The following SPSB1 variants were observed in gnomAD, a reference collection of about 807,000 sequenced individuals.
SPSB1 encodes the protein SPRY domain-containing SOCS box protein 1.
In SPSB1, 8 loss-of-function variants were observed where a neutral mutation model predicts 21.2. That is an observed-to-expected ratio of 0.38 (90% CI 0.22 to 0.68). The LOEUF is 0.68. SPSB1 is among the 30% of genes least tolerant of loss of function. SPSB1 has a pLI of 0.53. For missense variants in SPSB1, 242 were observed against 377.8 expected (o/e 0.64, Z 2.98); for synonymous variants, 169 against 161.7 (o/e 1.05, Z -0.34).
chr1:9,316,470 A>T (rs12734790), intron 1 of SPSB1, among the ~76,000 whole-genome samples: 59,212 of 152,034 alleles, frequency 0.39, 11,824 homozygotes, highest in South Asian at 0.47. Context: ...CAGCAAGCAG[A>T]GCAGACTTTG....
In SPSB1 at chr1:9,348,023, C is replaced by T. The variant is rs1640192549; in HGVS notation, c.-149-7720C>T. ...GCAGTGGTGCGATCTCGGCTCACTG[C>T]AACCTCCGCCTCCTGGGTTCAAGTG... On this transcript the variant is annotated intron_variant, in intron 1 of 2. Transcript: ENST00000328089. The surrounding 1 kb of genome is among the most constrained non-coding windows in gnomAD (Gnocchi z 4.8). Among the ~76,000 whole-genome samples the T allele has an allele frequency of 6.6e-6, 1 of 150,886 alleles. No homozygotes were observed. The highest frequency in any genetic ancestry group is 6.6e-5 in the Admixed American group (1 of 15,122).
chr1:9,303,779 G>GC (rs1639369318), intron 1 of SPSB1, among the ~76,000 whole-genome samples: 1 of 152,198 alleles, frequency 6.6e-6, no homozygotes, highest in Non-Finnish European at 1.5e-5. Flanking sequence ...GCCAGTGGGT[G>GC]CCTCTGGGTG....
At chr1:9,313,826 T>C (rs1363260340) in intron 1 of SPSB1, among the ~76,000 whole-genome samples, 3 of 152,324 alleles carry the variant, frequency 2.0e-5, no homozygotes, top group African/African-American at 4.8e-5. Flanking sequence ...AGGAGTGTTA[T>C]CGGAGAGGCG....
Position 9,355,829 on chromosome 1 carries a change from C to G in SPSB1, c.-63C>G. 1 of 1,513,972 alleles carries G rather than the reference C, an allele frequency of 6.6e-7. No homozygotes were observed. Among genetic ancestry groups the G allele is most frequent in the Non-Finnish European group, 8.8e-7 (1 of 1,131,582 alleles). 93.8% of individuals were successfully genotyped at this position (1,513,972 alleles called of 1,614,324 possible). A position where few individuals can be genotyped will look rare whatever the true frequency, so the allele number is the denominator to read the frequency against. On this transcript the variant is annotated 5_prime_UTR_variant, in exon 2 of 3. Coordinates refer to ENST00000328089, the MANE Select transcript of SPSB1 (RefSeq NM_025106.4). Reference sequence around the variant, plus strand: ...CTGGCCCCGATCAGAATACTGGAGACGAGACCACGAGATTGATGAGTTTGC... The same window carrying G: ...CTGGCCCCGATCAGAATACTGGAGAGGAGACCACGAGATTGATGAGTTTGC...
chr1:9,335,793 G>A (rs564077712), intron 1 of SPSB1, among the ~76,000 whole-genome samples: 16 of 152,312 alleles, frequency 1.1e-4, no homozygotes, highest in African/African-American at 3.8e-4. Context: ...GGACGACAGG[G>A]CAGGACCCTG....
intron 1 of SPSB1, among the ~76,000 whole-genome samples, chr1:9,337,082 C>T (rs989125131): frequency 6.6e-6 from 1 of 152,116 alleles, no homozygotes; most frequent in Non-Finnish European, 1.5e-5. Flanking sequence ...CTAAGAAACT[C>T]CTCCATCAGT....
chr1:9,323,017 C>T (rs1019523941), intron 1 of SPSB1, among the ~76,000 whole-genome samples: 5 of 152,238 alleles, frequency 3.3e-5, no homozygotes, highest in Non-Finnish European at 7.3e-5. Flanking sequence ...TGTGACCTTC[C>T]CCACGGTGAC....
At chr1:9,365,868 C>A (rs1489073033) in intron 2 of SPSB1, among the ~76,000 whole-genome samples, 1 of 152,228 alleles carries the variant, frequency 6.6e-6, no homozygotes, top group East Asian at 1.9e-4. Flanking sequence ...GGCTTTCCAT[C>A]TGCAGAACAG....
At chr1:9,329,725 G>A (rs961961880) in intron 1 of SPSB1, among the ~76,000 whole-genome samples, 1 of 148,448 alleles carries the variant, frequency 6.7e-6, no homozygotes, top group Admixed American at 6.6e-5. Context: ...AAAAAAAAGA[G>A]AAAAGAAAGA....
At chr1:9,349,680 C>T (rs1640219608) in intron 1 of SPSB1, among the ~76,000 whole-genome samples, 2 of 152,252 alleles carry the variant, frequency 1.3e-5, no homozygotes, top group South Asian at 2.1e-4. Flanking sequence ...ATCGACTCTT[C>T]GATCCAGATG....
chr1:9,366,647 C>A (rs1209971722), intron 2 of SPSB1, among the ~76,000 whole-genome samples: 2 of 151,708 alleles, frequency 1.3e-5, no homozygotes, highest in Admixed American at 1.3e-4. Flanking sequence ...GATCTCAGCC[C>A]ACTGCAACCT....
chr1:9,335,530 C>T (rs377623107), intron 1 of SPSB1, among the ~76,000 whole-genome samples: 10 of 143,994 alleles, frequency 6.9e-5, no homozygotes, highest in Non-Finnish European at 1.4e-4. Flanking sequence ...GTTGTGGGGT[C>T]GGGTGCAGTG....
At chr1:9,322,678 G>T (rs930977110) in intron 1 of SPSB1, among the ~76,000 whole-genome samples, 1 of 152,190 alleles carries the variant, frequency 6.6e-6, no homozygotes. Context: ...AGGACCACCT[G>T]CAGGTTCCAC....
chr1:9,323,652 C>T (rs1275698280), intron 1 of SPSB1, among the ~76,000 whole-genome samples: 1 of 152,236 alleles, frequency 6.6e-6, no homozygotes, highest in Non-Finnish European at 1.5e-5. Flanking sequence ...GATGGTCTTG[C>T]ACACATGGCT....
intron 1 of SPSB1, among the ~76,000 whole-genome samples, chr1:9,333,311 T>C (rs1215172465): frequency 6.7e-6 from 1 of 149,666 alleles, no homozygotes; most frequent in Non-Finnish European, 1.5e-5. Context: ...CTGTCAGTTC[T>C]GTCTTCTTGT....
intron 1 of SPSB1, among the ~76,000 whole-genome samples, chr1:9,342,334 G>A (rs1380852475): frequency 6.6e-6 from 1 of 152,166 alleles, no homozygotes; most frequent in Non-Finnish European, 1.5e-5. Context: ...GTAGTGACAA[G>A]TCCAGAAACT....
At chr1:9,352,264 C>T (rs1640271652) in intron 1 of SPSB1, among the ~76,000 whole-genome samples, 1 of 152,206 alleles carries the variant, frequency 6.6e-6, no homozygotes, top group Non-Finnish European at 1.5e-5. Context: ...AAGGTGAAGC[C>T]GTCCTTTCTG....
At chr1:9,360,800 GCTCCA>G (rs2100519756) in intron 2 of SPSB1, among the ~76,000 whole-genome samples, 1 of 152,338 alleles carries the variant, frequency 6.6e-6, no homozygotes, top group South Asian at 2.1e-4. Context: ...TCCAGATAAG[GCTCCA>G]CTCTGAAGTT....
chr1:9,343,572 G>A (rs1311744693), intron 1 of SPSB1, among the ~76,000 whole-genome samples: 1 of 152,206 alleles, frequency 6.6e-6, no homozygotes, highest in Non-Finnish European at 1.5e-5. Context: ...CAGTAAAGAA[G>A]TTTAAAAGGC....
Sources: gnomAD v4.1 joint callset for allele counts (sites outside exome capture counted in the v4.1 genomes callset) on GRCh38, gnomAD v4.1.1 for gene constraint, Gnocchi (gnomAD v3.1) non-coding constraint, MANE v1.5 for transcripts, NCBI Gene and HGNC (gene_info 2026-07-23, HGNC 2026-07-21) for gene names.